Variants in MYCBP2 observed in about 807,000 individuals in gnomAD.
The protein encoded by MYCBP2 is MYC binding protein 2.
Under a neutral mutation model 525.3 loss-of-function variants are expected in MYCBP2, and 120 were observed. The observed-to-expected ratio is 0.23, with a 90% CI of 0.20 to 0.27. The LOEUF is 0.27. Ranked by LOEUF, MYCBP2 falls within the 10% of genes least tolerant of loss-of-function variation. MYCBP2 has a pLI of 1.00. For missense variants in MYCBP2, 4,149 were observed against 5,657.1 expected (o/e 0.73, Z 8.55); for synonymous variants, 1,894 against 1,955.8 (o/e 0.97, Z 0.83).
chr13:77,212,218 T>C (rs1030358644), intron 21 of MYCBP2, 58 bp from the exon 22 acceptor site: 80 of 1,485,808 alleles, frequency 5.4e-5, no homozygotes, highest in Admixed American at 2.1e-4. Flanking sequence ...CTAATTTTCA[T>C]AAAGTTAAGG....
chr13:77,202,045 G>GAGC (rs746063858), intron 26 of MYCBP2, among the ~76,000 whole-genome samples: 7 of 151,006 alleles, frequency 4.6e-5, no homozygotes, highest in Non-Finnish European at 7.4e-5. Flanking sequence ...ACTAAAATCA[G>GAGC]AGAACTGAAG....
intron 5 of MYCBP2, 105 bp downstream of exon 5, chr13:77,273,367 C>T: frequency 1.1e-6 from 1 of 875,578 alleles, no homozygotes; most frequent in Non-Finnish European, 1.7e-6. Context: ...ACAGATTAAG[C>T]TACTGTAATG....
chr13:77,280,941 A>G (rs948013633), intron 3 of MYCBP2, among the ~76,000 whole-genome samples: 1 of 152,250 alleles, frequency 6.6e-6, no homozygotes, highest in Non-Finnish European at 1.5e-5. Flanking sequence ...TATTCAATAC[A>G]CAACAAAAAT....
chr13:77,218,722 T>C (rs2065148992), intron 20 of MYCBP2, among the ~76,000 whole-genome samples: 1 of 152,202 alleles, frequency 6.6e-6, no homozygotes, highest in South Asian at 2.1e-4. Flanking sequence ...GTAACTATTA[T>C]GATAAATGAC....
chr13:77,107,126 C>G lies in MYCBP2; in HGVS notation c.8141-8113G>C, dbSNP rs2154140094. Among the ~76,000 whole-genome samples, 3 of 152,232 alleles carry G rather than the reference C, an allele frequency of 2.0e-5. 1 individual carries two copies. Among genetic ancestry groups the G allele is most frequent in the Middle Eastern group, 6.8e-3 (2 of 294 alleles). Reference sequence around the variant, plus strand: ...AGAATGATGGGAACAGTGTTGCTGACTTTCCTCAGCTTAAGTCCCAGTCAT... The same window carrying G: ...AGAATGATGGGAACAGTGTTGCTGAGTTTCCTCAGCTTAAGTCCCAGTCAT... On this transcript the variant is annotated intron_variant, in intron 55 of 82. Transcript: ENST00000544440.
At chr13:77,270,586 C>G (rs925686169) in intron 5 of MYCBP2, 48 bp from the exon 6 acceptor site, 2 of 1,512,174 alleles carry the variant, frequency 1.3e-6, no homozygotes, top group Non-Finnish European at 1.8e-6. Context: ...TTAAATGTTA[C>G]AAACACAGAA....
intron 36 of MYCBP2, among the ~76,000 whole-genome samples, chr13:77,176,017 CACT>C (rs1165289787): frequency 9.1e-6 from 1 of 110,446 alleles, no homozygotes; most frequent in African/African-American, 2.8e-5. Context: ...AAAACAAAAA[CACT>C]TTTTTTTTTT....
At chr13:77,216,196 C>A (rs1437324310) in intron 21 of MYCBP2, among the ~76,000 whole-genome samples, 1 of 151,868 alleles carries the variant, frequency 6.6e-6, no homozygotes, top group East Asian at 1.9e-4. Context: ...AATCTAGGCA[C>A]CCAAATAATT....
At chr13:77,260,689 G>A (rs2073120629) in intron 12 of MYCBP2, 97 bp from the exon 13 acceptor site, 13 of 1,083,692 alleles carry the variant, frequency 1.2e-5, no homozygotes, top group Non-Finnish European at 1.5e-5. Context: ...CATATTATTT[G>A]CATTTATGAC....
intron 37 of MYCBP2, among the ~76,000 whole-genome samples, chr13:77,173,304 C>A (rs1209704644): frequency 1.3e-5 from 2 of 152,198 alleles, no homozygotes; most frequent in African/African-American, 4.8e-5. Flanking sequence ...TAGTGGCTCT[C>A]CAGCTTTCTG....
At chr13:77,151,049 TTA>T in intron 46 of MYCBP2, 100 bp from the exon 47 acceptor site, 1 of 965,120 alleles carries the variant, frequency 1.0e-6, no homozygotes, top group Non-Finnish European at 1.6e-6. Flanking sequence ...TATGTATACT[TTA>T]TGTTAGCATT....
intron 80 of MYCBP2, among the ~76,000 whole-genome samples, chr13:77,052,345 C>T (rs1332197002): frequency 6.6e-6 from 1 of 152,154 alleles, no homozygotes; most frequent in Non-Finnish European, 1.5e-5. Context: ...ATCATAGGTG[C>T]ACGCCACCAC....
At chr13:77,277,364 C>A (rs530867360) in intron 4 of MYCBP2, among the ~76,000 whole-genome samples, 1 of 152,254 alleles carries the variant, frequency 6.6e-6, no homozygotes, top group South Asian at 2.1e-4. Context: ...TGCTTGCCTG[C>A]CAACATGACA....
At chr13:77,279,103 A>G (rs2075923679) in intron 3 of MYCBP2, among the ~76,000 whole-genome samples, 192 bp from the exon 4 acceptor site, 1 of 152,226 alleles carries the variant, frequency 6.6e-6, no homozygotes, top group Non-Finnish European at 1.5e-5. Context: ...AGAAGAAATA[A>G]ACTATATTAA....
chr13:77,110,299 A>G (rs1204568387), intron 55 of MYCBP2, among the ~76,000 whole-genome samples: 1 of 152,088 alleles, frequency 6.6e-6, no homozygotes, highest in Admixed American at 6.5e-5. Flanking sequence ...TGTCTGTCTT[A>G]TTCGGTTGAG....
At position 77,111,620 on chromosome 13, in the gene MYCBP2, C is replaced by T. The variant is rs1594639957; in HGVS notation, c.8140+9753G>A. ...TTTCTTTTAAGTAGAGACAGGGTCT[C>T]GCTTTGTTGTCCAGACTGGTCCTAA... On this transcript the variant is annotated intron_variant, in intron 55 of 82. Transcript: ENST00000544440. Among the ~76,000 whole-genome samples, 8 of 151,438 alleles carry T rather than the reference C, an allele frequency of 5.3e-5. No individual in the cohort carries two copies. The South Asian group carries it at 1.5e-3, about 28-fold the overall frequency.
chr13:77,133,989 C>T (rs1408596936), intron 52 of MYCBP2, among the ~76,000 whole-genome samples: 1 of 152,108 alleles, frequency 6.6e-6, no homozygotes, highest in African/African-American at 2.4e-5. Context: ...GCCTACTTTC[C>T]AGCTTAGTAT....
intron 52 of MYCBP2, among the ~76,000 whole-genome samples, chr13:77,131,517 A>ACACACAC (rs1566645644): frequency 9.1e-4 from 133 of 146,598 alleles, no homozygotes; most frequent in African/African-American, 3.0e-3. Context: ...CACACAAACA[A>ACACACAC]ACACACACAC....
Position 77,097,948 on chromosome 13 carries a change from C to T in MYCBP2, c.9206G>A (p.Arg3069Lys). 1.9e-6 allele frequency: 3 copies of T among 1,613,356 alleles called. No homozygotes were observed. The highest frequency in any genetic ancestry group is 3.3e-5 in the Admixed American group (2 of 59,916). The change falls in exon 56 of 83, where the codon AGG becomes AAG. Residue 3069 changes from arginine (R) to lysine (K), a missense_variant. Physicochemically the swap from Arg to Lys is conservative, Grantham distance 26. This residue lies in a region of MYCBP2 where 653 missense variants were observed against 744.7 expected (regional missense o/e 0.88). Coordinates refer to ENST00000544440, the MANE Select transcript of MYCBP2 (RefSeq NM_015057.5). ...AGGTTGTTGGCTATTTAAACTACTC[C>T]TTATAGGAGCATGTTCTTTGGAAAG... The part of the protein sequence containing the change: ...PELSKEHAPI[R>K]SSLNSQQPTE...
Sources: gnomAD v4.1 joint callset for allele counts (sites outside exome capture counted in the v4.1 genomes callset) on GRCh38, gnomAD v4.1.1 for gene constraint, gnomAD v4.1.1 regional missense constraint, MANE v1.5 for transcripts, NCBI Gene and HGNC (gene_info 2026-07-23, HGNC 2026-07-21) for gene names.